ARL15: variants seen among roughly 807,000 people sequenced by gnomAD.
ARL15 encodes ADP-ribosylation factor-like protein 15.
In ARL15, 19 loss-of-function variants were observed where a neutral mutation model predicts 25.2. The observed-to-expected ratio is 0.75, with a 90% CI of 0.53 to 1.10. The LOEUF (loss-of-function observed/expected upper bound fraction) is 1.10, where lower values mean the gene tolerates loss of function less well. Ranked by LOEUF, ARL15 falls within the 50% of genes least tolerant of loss-of-function variation. The probability of loss-of-function intolerance (pLI) is 0.00; values close to 1 mark genes in which losing one functional copy is unlikely to be tolerated. For missense variants in ARL15, 220 were observed against 246.0 expected (o/e 0.89, Z 0.71); for synonymous variants, 94 against 86.8 (o/e 1.08, Z -0.46).
intron 3 of ARL15, among the ~76,000 whole-genome samples, chr5:54,149,440 A>T (rs1055753932): frequency 2.6e-5 from 4 of 152,152 alleles, no homozygotes; most frequent in Admixed American, 6.6e-5. Flanking sequence ...CTGACCTTGG[A>T]AAAAAGGCTT....
chr5:54,186,391 G>A (rs1579888521), intron 1 of ARL15, among the ~76,000 whole-genome samples: 1 of 152,220 alleles, frequency 6.6e-6, no homozygotes, highest in Non-Finnish European at 1.5e-5. Context: ...CAGCTGAGCT[G>A]GCAGCAGTGG....
chr5:53,929,892 TTA>T, intron 4 of ARL15, among the ~76,000 whole-genome samples: 1 of 152,164 alleles, frequency 6.6e-6, no homozygotes, highest in South Asian at 2.1e-4. Context: ...GGAAGAGAGT[TTA>T]GTGTGGGCAC....
At chr5:54,113,164 C>CAAGG in intron 4 of ARL15, 38 bp downstream of exon 4, 1 of 1,599,906 alleles carries the variant, frequency 6.3e-7, no homozygotes, top group East Asian at 2.2e-5. Flanking sequence ...AAAGTACAAG[C>CAAGG]AAGGAAGACA....
intron 1 of ARL15, among the ~76,000 whole-genome samples, chr5:54,217,321 T>C (rs1172753789): frequency 6.6e-6 from 1 of 152,066 alleles, no homozygotes; most frequent in Non-Finnish European, 1.5e-5. Flanking sequence ...ATTGCAAATT[T>C]ACTGTGAAAG....
At chr5:53,942,778 G>A (rs1561159174) in intron 4 of ARL15, among the ~76,000 whole-genome samples, 1 of 152,038 alleles carries the variant, frequency 6.6e-6, no homozygotes. Flanking sequence ...ACAACCATGG[G>A]AAAGGTGAGA....
intron 4 of ARL15, among the ~76,000 whole-genome samples, chr5:54,005,873 A>C (rs1356122866): frequency 1.9e-4 from 15 of 79,382 alleles, no homozygotes; most frequent in African/African-American, 4.0e-4. Flanking sequence ...AAAAAAAAAA[A>C]CCAAAAAAAC....
At chr5:54,146,912 T>C (rs536159091) in intron 3 of ARL15, among the ~76,000 whole-genome samples, 3 of 152,104 alleles carry the variant, frequency 2.0e-5, no homozygotes, top group Non-Finnish European at 4.4e-5. Context: ...AAAACAAAAA[T>C]TAAGGTCAGG....
intron 4 of ARL15, among the ~76,000 whole-genome samples, chr5:54,029,027 TA>T (rs879677233): frequency 3.1e-3 from 436 of 141,690 alleles, no homozygotes; most frequent in Middle Eastern, 0.011. Context: ...AACCTCTGTC[TA>T]AAAAAAAAAA....
At chr5:54,120,557 C>G (rs113948650) in intron 3 of ARL15, among the ~76,000 whole-genome samples, 2 of 152,166 alleles carry the variant, frequency 1.3e-5, no homozygotes, top group Non-Finnish European at 2.9e-5. Flanking sequence ...GGGAACAGTT[C>G]TGGAGAAATG....
intron 4 of ARL15, among the ~76,000 whole-genome samples, chr5:53,947,167 GGTGTGTGTGT>G (rs3222349): frequency 0.047 from 5,769 of 123,630 alleles, 249 homozygotes; most frequent in African/African-American, 0.12. Context: ...AATAAATAAG[GGTGTGTGTGT>G]GTGTGTGTGT....
chr5:53,918,823 T>C (rs1055425741), intron 4 of ARL15, among the ~76,000 whole-genome samples: 1 of 111,320 alleles, frequency 9.0e-6, no homozygotes, highest in Admixed American at 8.7e-5. Flanking sequence ...TTTGGTGAAG[T>C]TGACAGTAAA....
At chr5:54,010,446 A>G (rs1749197814) in intron 4 of ARL15, among the ~76,000 whole-genome samples, 1 of 152,224 alleles carries the variant, frequency 6.6e-6, no homozygotes, top group South Asian at 2.1e-4. Context: ...GTTAGTTAAC[A>G]AGACATTCAA....
intron 1 of ARL15, among the ~76,000 whole-genome samples, chr5:54,200,863 C>T (rs1478211660): frequency 6.6e-6 from 1 of 152,168 alleles, no homozygotes; most frequent in African/African-American, 2.4e-5. Context: ...CATAATTATA[C>T]TTCTTCTGCA....
At chr5:54,128,706 CTT>C (rs34430326) in intron 3 of ARL15, among the ~76,000 whole-genome samples, 27 of 130,234 alleles carry the variant, frequency 2.1e-4, no homozygotes, top group African/African-American at 4.8e-4. Context: ...TATTTTGATT[CTT>C]TTTTTTTTTT....
intron 1 of ARL15, among the ~76,000 whole-genome samples, chr5:54,187,275 T>A (rs1024857360): frequency 2.6e-5 from 4 of 152,182 alleles, no homozygotes; most frequent in Admixed American, 2.6e-4. Flanking sequence ...GCTCTCATGC[T>A]GGGGCCCTGG....
chr5:54,147,419 A>G (rs1350453325), intron 3 of ARL15, among the ~76,000 whole-genome samples: 2 of 152,230 alleles, frequency 1.3e-5, no homozygotes, highest in Non-Finnish European at 2.9e-5. Context: ...ATTAAAACTT[A>G]CATTTTACGT....
intron 4 of ARL15, among the ~76,000 whole-genome samples, chr5:54,027,477 G>A (rs776833373): frequency 6.6e-6 from 1 of 152,090 alleles, no homozygotes; most frequent in African/African-American, 2.4e-5. Context: ...TTGCCAAAGG[G>A]GAATTAATTA....
chr5:53,919,710 G>A (rs921813166), intron 4 of ARL15, among the ~76,000 whole-genome samples: 1 of 152,134 alleles, frequency 6.6e-6, no homozygotes, highest in African/African-American at 2.4e-5. Flanking sequence ...GGCAGATAGA[G>A]CTAACCTTTA....
intron 4 of ARL15, among the ~76,000 whole-genome samples, chr5:53,960,789 C>T (rs1359201569): frequency 1.3e-5 from 2 of 152,182 alleles, no homozygotes; most frequent in African/African-American, 4.8e-5. Flanking sequence ...TCTCCGAACT[C>T]CCAGCTCAGA....
Sources: allele counts gnomAD v4.1 joint callset (sites outside exome capture counted in the v4.1 genomes callset), GRCh38; gene constraint gnomAD v4.1.1; transcripts MANE v1.5; gene names NCBI Gene and HGNC (gene_info 2026-07-23, HGNC 2026-07-21).